Variants in SGPL1 observed in about 807,000 individuals in gnomAD.
SGPL1 encodes the protein SP-lyase 1.
Under a neutral mutation model 68.9 loss-of-function variants are expected in SGPL1, and 37 were observed. That is an observed-to-expected ratio of 0.54 (90% CI 0.41 to 0.71). The LOEUF (loss-of-function observed/expected upper bound fraction) is 0.71. Among genes scored for constraint, SGPL1 ranks in the 30% least tolerant of loss-of-function variants. The pLI is 0.00. For synonymous variants in SGPL1, 236 were observed against 248.5 expected (o/e 0.95, Z 0.47); for missense variants, 551 against 704.6 (o/e 0.78, Z 2.47).
At chr10:70,842,817 C>CGGAG (rs1188439883) in intron 2 of SGPL1, among the ~76,000 whole-genome samples, 1 of 152,186 alleles carries the variant, frequency 6.6e-6, no homozygotes, top group Non-Finnish European at 1.5e-5. Flanking sequence ...CCCAGCCTCA[C>CGGAG]GTCTCTGATT....
intron 2 of SGPL1, among the ~76,000 whole-genome samples, chr10:70,831,163 G>A (rs1395279373): frequency 6.6e-6 from 1 of 152,086 alleles, no homozygotes; most frequent in Non-Finnish European, 1.5e-5. Context: ...CCGGAGGGGC[G>A]TCCCAGATAA....
intron 13 of SGPL1, 116 bp from the exon 14 acceptor site, chr10:70,876,425 A>T: frequency 2.1e-6 from 2 of 935,512 alleles, no homozygotes; most frequent in Non-Finnish European, 3.2e-6. Flanking sequence ...GGATGACTAC[A>T]CTTGTCAGAA....
At chr10:70,873,651 G>C (rs1846335524) in intron 12 of SGPL1, 62 bp downstream of exon 12, 2 of 1,236,310 alleles carry the variant, frequency 1.6e-6, no homozygotes, top group African/African-American at 1.5e-5. Context: ...TAGGCTCAAG[G>C]CACCTGCCTG....
At chr10:70,846,523 C>T (rs1219760184) in intron 3 of SGPL1, among the ~76,000 whole-genome samples, 3 of 152,084 alleles carry the variant, frequency 2.0e-5, no homozygotes, top group African/African-American at 7.2e-5. Flanking sequence ...GTACAGGCAT[C>T]ACTATTACCA....
chr10:70,839,998 T>C (rs775436107), intron 2 of SGPL1, among the ~76,000 whole-genome samples: 1 of 152,272 alleles, frequency 6.6e-6, no homozygotes, highest in Middle Eastern at 3.4e-3. Context: ...CTGGACTGCA[T>C]GTTGGACAAG....
At chr10:70,845,472 C>T (rs59150026) in intron 3 of SGPL1, among the ~76,000 whole-genome samples, 2 of 152,090 alleles carry the variant, frequency 1.3e-5, no homozygotes, top group East Asian at 1.9e-4. Context: ...ATCAGGGGAT[C>T]GTATACTTTG....
rs549059941 is a variant in SGPL1, at chr10:70,852,697, CAT to C, written c.261+1488_261+1489del. Among the ~76,000 whole-genome samples the C allele has an allele frequency of 5.8e-4, 84 of 144,518 alleles. No individual in the cohort carries two copies. The South Asian group carries it at 0.017, about 30-fold the overall frequency. The allele number at this position is 144,518 out of a possible 152,430, so 94.8% of individuals were successfully genotyped here. A position where few individuals can be genotyped will look rare whatever the true frequency, so the allele number is the denominator to read the frequency against. ...TCTGAGGCTTAGATACAAAAAATTA[CAT>C]GTGTGTATGTGTGTGTGTGTGTGTG... is the stretch of plus-strand genomic sequence containing the variant. On this transcript the variant is annotated intron_variant, in intron 4 of 14. Transcript: ENST00000373202.
Position 70,839,008 on chromosome 10 carries a change from A to G in SGPL1, c.28-5465A>G, listed in dbSNP as rs116498974. ...TTTGTAGCCTTCTGCTGTTGGGTAC[A>G]TTCATGAAAAGGTCTTGCATCCTTA... On this transcript the variant is annotated intron_variant, in intron 2 of 14. Transcript: ENST00000373202. Among the ~76,000 whole-genome samples the G allele has an allele frequency of 3.1e-3, 468 of 152,322 alleles. 1 individual carries two copies. Among genetic ancestry groups the G allele is most frequent in the African/African-American group, 0.011 (438 of 41,568 alleles).
intron 2 of SGPL1, among the ~76,000 whole-genome samples, chr10:70,820,021 T>C (rs1303621199): frequency 1.3e-5 from 2 of 152,186 alleles, no homozygotes; most frequent in Non-Finnish European, 2.9e-5. Flanking sequence ...TTTCTGCTAA[T>C]GGAATAAGTG....
At chr10:70,862,794 T>G (rs949636136) in intron 7 of SGPL1, among the ~76,000 whole-genome samples, 3 of 151,860 alleles carry the variant, frequency 2.0e-5, no homozygotes, top group African/African-American at 7.3e-5. Context: ...CATCCGAACA[T>G]CAGAAGGAAC....
chr10:70,870,136 G>T (rs1014985642), intron 9 of SGPL1: 218 of 392,940 alleles, frequency 5.5e-4, no homozygotes, highest in Non-Finnish European at 5.7e-4. Context: ...CTGGTTTTGC[G>T]GTCAGCGCCA....
At chr10:70,826,641 A>G (rs535789081) in intron 2 of SGPL1, among the ~76,000 whole-genome samples, 6 of 152,360 alleles carry the variant, frequency 3.9e-5, no homozygotes, top group South Asian at 4.1e-4. Context: ...CCCTGTTACA[A>G]ATATTTCCTT....
chr10:70,842,411 C>T (rs919331940), intron 2 of SGPL1, among the ~76,000 whole-genome samples: 1 of 152,086 alleles, frequency 6.6e-6, no homozygotes, highest in African/African-American at 2.4e-5. Flanking sequence ...TGGATTAGCC[C>T]GTTCTTGCAT....
intron 2 of SGPL1, among the ~76,000 whole-genome samples, chr10:70,829,337 G>A (rs972461584): frequency 4.6e-5 from 7 of 152,260 alleles, no homozygotes; most frequent in African/African-American, 7.2e-5. Context: ...TATTACCACC[G>A]TCTGTAAGAA....
At chr10:70,851,371 T>G (rs1267728087) in intron 4 of SGPL1, among the ~76,000 whole-genome samples, 161 bp downstream of exon 4, 1 of 152,128 alleles carries the variant, frequency 6.6e-6, no homozygotes, top group Non-Finnish European at 1.5e-5. Flanking sequence ...GGTCACAGCT[T>G]GGATGGAGGG....
In SGPL1 at chr10:70,830,051, A is replaced by G. The variant is rs573685762; in HGVS notation, c.27+13171A>G. Among the ~76,000 whole-genome samples the G allele has an allele frequency of 1.2e-4, 18 of 152,224 alleles. No individual in the cohort carries two copies. In the South Asian group the frequency reaches 2.7e-3, roughly 23 times the overall value. The stretch of plus-strand genomic sequence containing the variant: ...TTTACTCTCTATTTCTGGAGTTGCA[A>G]TTTCTGCTGTCCTTGGCCCATTTAA... On this transcript the variant is annotated intron_variant, in intron 2 of 14. Coordinates refer to ENST00000373202, the MANE Select transcript of SGPL1 (RefSeq NM_003901.4).
chr10:70,838,907 C>T (rs1241688937), intron 2 of SGPL1, among the ~76,000 whole-genome samples: 1 of 152,138 alleles, frequency 6.6e-6, no homozygotes, highest in Non-Finnish European at 1.5e-5. Context: ...GTCTCATACA[C>T]GTAGACTCTA....
At chr10:70,827,811 A>G (rs142351257) in intron 2 of SGPL1, among the ~76,000 whole-genome samples, 3 of 152,160 alleles carry the variant, frequency 2.0e-5, no homozygotes, top group Non-Finnish European at 4.4e-5. Flanking sequence ...CAGCTTCTTA[A>G]TGTCCCTCCC....
chr10:70,870,562 T>C (rs746776497), intron 9 of SGPL1, among the ~76,000 whole-genome samples: 7 of 152,110 alleles, frequency 4.6e-5, no homozygotes, highest in Non-Finnish European at 8.8e-5. Context: ...TTAATACCAT[T>C]GTCATTATGA....
Sources: allele counts gnomAD v4.1 joint callset (sites outside exome capture counted in the v4.1 genomes callset), GRCh38; gene constraint gnomAD v4.1.1; transcripts MANE v1.5; gene names NCBI Gene and HGNC (gene_info 2026-07-23, HGNC 2026-07-21).